The following MYPN variants were observed in gnomAD, a reference collection of about 807,000 sequenced individuals.
MYPN encodes myopalladin.
MYPN carries 63 observed loss-of-function variants against 129.4 expected under a neutral mutation model. The ratio of observed to expected loss-of-function variants is 0.49; its 90% CI spans 0.40 to 0.60. The LOEUF (loss-of-function observed/expected upper bound fraction) is 0.60. Among genes scored for constraint, MYPN ranks in the 20% least tolerant of loss-of-function variants. The probability of loss-of-function intolerance (pLI) is 0.00; values close to 1 mark genes in which losing one functional copy is unlikely to be tolerated. For missense variants in MYPN, 1,596 were observed against 1,635.4 expected, an observed-to-expected ratio of 0.98 and a Z score of 0.42; for synonymous variants, 629 against 600.9, an observed-to-expected ratio of 1.05 and a Z score of -0.68.
intron 10 of MYPN, among the ~76,000 whole-genome samples, chr10:68,170,211 G>A (rs957252572): frequency 2.0e-5 from 3 of 151,514 alleles, no homozygotes; most frequent in Non-Finnish European, 1.5e-5. Flanking sequence ...GAACAAAATC[G>A]GGTTCTTTTA....
intron 10 of MYPN, among the ~76,000 whole-genome samples, chr10:68,170,254 C>T (rs889037992): frequency 7.2e-5 from 11 of 152,164 alleles, no homozygotes; most frequent in African/African-American, 2.7e-4. Context: ...GCAGTGCCTG[C>T]CACATGAGAC....
chr10:68,168,779 T>C (rs2043092824), intron 10 of MYPN, among the ~76,000 whole-genome samples: 1 of 151,960 alleles, frequency 6.6e-6, no homozygotes, highest in Non-Finnish European at 1.5e-5. Flanking sequence ...TGTCATGTGA[T>C]GCCATGCCAG....
In MYPN at chr10:68,143,070, A is replaced by G. The variant is rs757786796; in HGVS notation, c.1033A>G (p.Asn345Asp). Residue 345 changes from asparagine (N) to aspartate (D), a missense_variant, in exon 3 of 20, where the codon AAC becomes GAC. Transcript: ENST00000358913. The stretch of plus-strand genomic sequence containing the variant: ...AGGACGCTATTCCTGCTTTGCTTCT[A>G]ACATCTATGGGACAGATTCGACTTC... Reference protein sequence around the residue: ...DTGRYSCFASNIYGTDSTSAE... With the variant: ...DTGRYSCFASDIYGTDSTSAE... 6.2e-7 allele frequency: 1 copy of G among 1,614,194 alleles called. No homozygotes were observed. Among genetic ancestry groups the G allele is most frequent in the Admixed American group, 1.7e-5 (1 of 60,028 alleles).
At chr10:68,096,081 C>T (rs58350247) in intron 1 of MYPN, among the ~76,000 whole-genome samples, 11,872 of 151,926 alleles carry the variant, frequency 0.078, 1,213 homozygotes, top group African/African-American at 0.24. Flanking sequence ...ATTCAGAGAT[C>T]GATAAAAGAT....
Position 68,174,348 on chromosome 10 carries a change from A to C in MYPN, c.2256A>C (p.Gln752His). 2.5e-6 allele frequency: 4 copies of C among 1,614,112 alleles called. No individual in the cohort carries two copies. The highest frequency in any genetic ancestry group is 3.4e-6 in the Non-Finnish European group (4 of 1,180,030). ...TGTTCACTTTGAGCAGCACTCCTCA[A>C]ACTATTCAGAGGACAGTGAGCAAAG... is the stretch of plus-strand genomic sequence containing the variant. ...SPVFTLSSTP[Q>H]TIQRTVSKES... The change falls in exon 11 of 20, where the codon CAA becomes CAC. Residue 752 changes from glutamine (Q) to histidine (H), a missense_variant. Gln to His is a conservative substitution (Grantham distance 24). Coordinates refer to ENST00000358913, the MANE Select transcript of MYPN (RefSeq NM_032578.4).
At chr10:68,143,880 G>A (rs7913292) in intron 3 of MYPN, among the ~76,000 whole-genome samples, 28,211 of 151,930 alleles carry the variant, frequency 0.19, 4,295 homozygotes, top group African/African-American at 0.42. Flanking sequence ...CCAGCCCCCC[G>A]AATAGCTGGG....
rs548651802 is a variant in MYPN, at chr10:68,174,216, G to T, written c.2124G>T (p.Lys708Asn). 6.2e-7 allele frequency: 1 copy of T among 1,614,048 alleles called. No homozygotes were observed. The highest frequency in any genetic ancestry group is 1.3e-5 in the African/African-American group (1 of 75,016). Residue 708 changes from lysine (K) to asparagine (N), a missense_variant, in exon 11 of 20, where the codon AAG (lysine) becomes AAT (asparagine). Coordinates refer to ENST00000358913, the MANE Select transcript of MYPN (RefSeq NM_032578.4). ...CCCCAGCGGTGACAACATCCAGTAA[G>T]CAGGTGAAGGCTCCTTCATCACAGA... ...NAPPAVTTSSKQVKAPSSQTF... is the reference protein window; with the variant it reads ...NAPPAVTTSSNQVKAPSSQTF...
In MYPN at chr10:68,165,789, T is replaced by A. The variant is rs185711805; in HGVS notation, c.1571T>A (p.Val524Glu). The A allele has an allele frequency of 5.0e-6, 8 of 1,614,162 alleles. No homozygotes were observed. Among genetic ancestry groups the A allele is most frequent in the Non-Finnish European group, 6.8e-6 (8 of 1,179,990 alleles). ...TCTASNKYGT[V>E]SSIAQLHVRG... ...ACTGCAAGCAACAAATACGGCACAGTGTCAAGCATTGCACAGCTGCACGTG... is the reference window on the plus strand; with the variant it reads ...ACTGCAAGCAACAAATACGGCACAGAGTCAAGCATTGCACAGCTGCACGTG... The change falls in exon 9 of 20, where the codon GTG (valine) becomes GAG (glutamate). Residue 524 changes from valine (V) to glutamate (E), a missense_variant. Transcript: ENST00000358913.
At chr10:68,193,482 T>G (rs2043549385) in intron 13 of MYPN, among the ~76,000 whole-genome samples, 2 of 152,244 alleles carry the variant, frequency 1.3e-5, no homozygotes, top group African/African-American at 2.4e-5. Flanking sequence ...GTACCTGTTC[T>G]TGTACAAAGT....
chr10:68,210,404 G>A lies in MYPN; in HGVS notation c.3912G>A (p.Thr1304=), dbSNP rs1405000820. 22 of 1,614,190 alleles carry A rather than the reference G, an allele frequency of 1.4e-5. No individual in the cohort carries two copies. Among genetic ancestry groups the A allele is most frequent in the Non-Finnish European group, 1.8e-5 (21 of 1,180,034 alleles). The change falls in exon 20 of 20, where the codon ACG becomes ACA. Residue 1304 remains threonine (T), a synonymous_variant. Coordinates refer to ENST00000358913, the MANE Select transcript of MYPN (RefSeq NM_032578.4). ...CTGCCTTTTCCTCCATGGAAAGCAC[G>A]ATGGTGTATTCATGCTCTTCTCGGA... ...IFSAFSSMES[T]MVYSCSSRSV...
rs755507922 is a variant in MYPN at position 68,194,405 on chromosome 10, G to T, written c.2968G>T (p.Glu990Ter). ...TGGGAAGCAGATTTCTAAGAGAAAT[G>T]AGCACTGCAAAATGAGGCGAGAAGG... ...KDGKQISKRN[E>*]HCKMRREGDG... Residue 990 changes from glutamate to a stop codon, truncating the protein, a stop_gained, in exon 14 of 20, where the codon GAG becomes TAG. Transcript: ENST00000358913. LOFTEE classifies it high-confidence loss of function. 9 of 1,613,772 alleles carry T rather than the reference G, an allele frequency of 5.6e-6. No homozygotes were observed. The highest frequency in any genetic ancestry group is 7.6e-6 in the Non-Finnish European group (9 of 1,179,820).
At position 68,143,018 on chromosome 10, in the gene MYPN, C is replaced by T; in HGVS notation, c.981C>T (p.Thr327=). Residue 327 remains threonine, a synonymous_variant, in exon 3 of 20, where the codon ACC becomes ACT. Transcript: ENST00000358913. ...AGGCAGGAAATCTGCACTCACTGAC[C>T]ATTGCGGAAGCCTTTGAAGAGGACA... The part of the protein sequence containing the change: ...IVQAGNLHSL[T]IAEAFEEDTG... 6.2e-7 allele frequency: 1 copy of T among 1,614,098 alleles called. No individual in the cohort carries two copies. The highest frequency in any genetic ancestry group is 8.5e-7 in the Non-Finnish European group (1 of 1,180,006).
At chr10:68,209,671 CTTTTTTT>C (rs35392300) in intron 19 of MYPN, among the ~76,000 whole-genome samples, 2 of 131,216 alleles carry the variant, frequency 1.5e-5, no homozygotes, top group East Asian at 2.3e-4. Context: ...GAATTCTTTT[CTTTTTTT>C]TTTTTTTTTT....
At chr10:68,190,929 T>G (rs1199758808) in intron 13 of MYPN, among the ~76,000 whole-genome samples, 2 of 152,204 alleles carry the variant, frequency 1.3e-5, no homozygotes, top group Non-Finnish European at 2.9e-5. Flanking sequence ...CTAGCACCAT[T>G]TGTTGAAGAG....
In MYPN at chr10:68,121,417, GTTA is replaced by G. The variant is rs763986372; in HGVS notation, c.-1-12_-1-10del. 1.4e-5 allele frequency: 22 copies of G among 1,601,536 alleles called. No individual in the cohort carries two copies. In the South Asian group the frequency reaches 2.2e-4, roughly 16 times the overall value. ...TCCCTAGAAATGATCCAAACTTTTT[GTTA>G]TTATTATTTTGTGACAGCATGCAAG... is the stretch of plus-strand genomic sequence containing the variant. On this transcript the variant is annotated intron_variant, in intron 1 of 19. Coordinates refer to ENST00000358913, the MANE Select transcript of MYPN (RefSeq NM_032578.4).
chr10:68,125,288 C>G (rs1362890286), intron 2 of MYPN, among the ~76,000 whole-genome samples: 1 of 152,086 alleles, frequency 6.6e-6, no homozygotes, highest in Non-Finnish European at 1.5e-5. Flanking sequence ...CTAATTTTTC[C>G]TGGGAAGAAT....
At chr10:68,109,323 C>T (rs1169918036), upstream of MYPN, 2 of 293,432 alleles carry the variant, frequency 6.8e-6, no homozygotes, top group African/African-American at 2.2e-5. Context: ...ATAACATGGG[C>T]CTCTAGCTAT....
rs769929432 is a variant in MYPN at position 68,210,906 on chromosome 10, C to A, written c.*451C>A. 5 of 454,934 alleles carry A rather than the reference C, an allele frequency of 1.1e-5. No homozygotes were observed. The highest frequency in any genetic ancestry group is 2.2e-5 in the Non-Finnish European group (5 of 227,218). The allele number at this position is 454,934 out of a possible 1,614,324, so 28.2% of individuals were successfully genotyped here. A position where few individuals can be genotyped will look rare whatever the true frequency, so the allele number is the denominator to read the frequency against. On this transcript the variant is annotated 3_prime_UTR_variant, in exon 20 of 20. Coordinates refer to ENST00000358913, the MANE Select transcript of MYPN (RefSeq NM_032578.4). ...CGGACAGGTCACCATCACCTTTCAT[C>A]GATTACATGTATAGCAGTAGTTTTG...
chr10:68,106,907 C>T (rs1018617437), upstream of MYPN: 6 of 681,924 alleles, frequency 8.8e-6, no homozygotes, highest in Non-Finnish European at 1.6e-5. Flanking sequence ...GGATGAGCCA[C>T]TCAACTTTAT....
Sources: gnomAD v4.1 joint callset for allele counts (sites outside exome capture counted in the v4.1 genomes callset) on GRCh38, gnomAD v4.1.1 for gene constraint, MANE v1.5 for transcripts, NCBI Gene and HGNC (gene_info 2026-07-23, HGNC 2026-07-21) for gene names.